WDR7: variants seen among roughly 807,000 people sequenced by gnomAD.
The protein encoded by WDR7 is WD repeat domain 7, also known as WD repeat-containing protein 7.
Under a neutral mutation model 169.4 loss-of-function variants are expected in WDR7, and 46 were observed. The observed-to-expected ratio is 0.27, with a 90% confidence interval of 0.21 to 0.35. The LOEUF is 0.35. Among genes scored for constraint, WDR7 ranks in the 10% least tolerant of loss-of-function variants. WDR7 has a pLI of 1.00. For synonymous variants in WDR7, 612 were observed against 666.8 expected (o/e 0.92, Z 1.27); for missense variants, 1,534 against 1,859.3 (o/e 0.83, Z 3.22).
chr18:56,881,403 G>A (rs72917382), intron 21 of WDR7, among the ~76,000 whole-genome samples: 3,816 of 151,760 alleles, frequency 0.025, 56 homozygotes, highest in Non-Finnish European at 0.035. Flanking sequence ...CTCTTATCTC[G>A]ATTTTATGCA....
At chr18:56,800,064 G>T (rs560230217) in intron 19 of WDR7, among the ~76,000 whole-genome samples, 60 of 152,188 alleles carry the variant, frequency 3.9e-4, no homozygotes, top group African/African-American at 1.4e-3. Flanking sequence ...GGTTAAAAAT[G>T]AAAGTTTATA....
At chr18:56,951,826 C>A (rs1456107017) in intron 25 of WDR7, among the ~76,000 whole-genome samples, 1 of 151,938 alleles carries the variant, frequency 6.6e-6, no homozygotes, top group East Asian at 1.9e-4. Context: ...ATCTTAGGAC[C>A]CCTTTAAACT....
intron 11 of WDR7, 74 bp from the exon 12 acceptor site, chr18:56,696,168 C>T (rs2025698650): frequency 2.5e-6 from 3 of 1,206,246 alleles, no homozygotes; most frequent in African/African-American, 3.1e-5. Flanking sequence ...TCTAAACATT[C>T]ATGTTTACTT....
chr18:56,734,934 T>C (rs909320773), intron 14 of WDR7, among the ~76,000 whole-genome samples: 1 of 152,164 alleles, frequency 6.6e-6, no homozygotes, highest in South Asian at 2.1e-4. Flanking sequence ...TCAAGCAATT[T>C]AGTAGGAAGT....
At chr18:56,976,382 G>T (rs750073978) in intron 26 of WDR7, among the ~76,000 whole-genome samples, 3 of 152,262 alleles carry the variant, frequency 2.0e-5, no homozygotes, top group Non-Finnish European at 2.9e-5. Context: ...TTAGGTATGG[G>T]CAGGAATTTT....
intron 20 of WDR7, among the ~76,000 whole-genome samples, chr18:56,827,142 G>T (rs576916957): frequency 1.3e-5 from 2 of 152,152 alleles, no homozygotes; most frequent in African/African-American, 2.4e-5. Context: ...GAAATAATTA[G>T]CTGTGGAGGG....
intron 1 of WDR7, among the ~76,000 whole-genome samples, chr18:56,658,854 A>G (rs745498236): frequency 1.1e-4 from 17 of 152,022 alleles, no homozygotes; most frequent in Admixed American, 2.0e-4. Flanking sequence ...CTGGGACTAC[A>G]GGCGTGCACC....
At chr18:56,681,082 T>A (rs1332000110) in intron 3 of WDR7, among the ~76,000 whole-genome samples, 1 of 152,110 alleles carries the variant, frequency 6.6e-6, no homozygotes, top group Non-Finnish European at 1.5e-5. Context: ...AATGCAGTCT[T>A]ATTATGGGCC....
intron 14 of WDR7, 112 bp downstream of exon 14, chr18:56,731,709 T>C: frequency 1.0e-6 from 1 of 983,216 alleles, no homozygotes; most frequent in Non-Finnish European, 1.4e-6. Context: ...CCTTGAAAAA[T>C]AAACTTTTGA....
chr18:56,974,205 T>C (rs533758229), intron 26 of WDR7, among the ~76,000 whole-genome samples: 140 of 152,316 alleles, frequency 9.2e-4, no homozygotes, highest in Non-Finnish European at 1.7e-3. Context: ...CATATGTTTT[T>C]TAAAAGCCCT....
chr18:56,726,822 T>C (rs994533304), intron 13 of WDR7, among the ~76,000 whole-genome samples: 1 of 152,162 alleles, frequency 6.6e-6, no homozygotes, highest in African/African-American at 2.4e-5. Context: ...GAGGTTTCCA[T>C]TCTGGCTGGT....
chr18:56,809,697 CTG>C (rs1197775829), intron 19 of WDR7, among the ~76,000 whole-genome samples: 4 of 151,832 alleles, frequency 2.6e-5, no homozygotes, highest in South Asian at 2.1e-4. Context: ...TTTCTAGTCT[CTG>C]TGTTTTGTTG....
chr18:56,820,726 A>G (rs1371219734), intron 20 of WDR7, among the ~76,000 whole-genome samples: 1 of 152,180 alleles, frequency 6.6e-6, no homozygotes, highest in Non-Finnish European at 1.5e-5. Context: ...GTTTCTGAGA[A>G]GATGTCCTGT....
intron 26 of WDR7, among the ~76,000 whole-genome samples, chr18:57,020,257 G>A (rs1404099008): frequency 1.3e-5 from 2 of 152,168 alleles, no homozygotes; most frequent in African/African-American, 4.8e-5. Context: ...AGAAAATGAA[G>A]CATAAAGCAT....
At chr18:56,724,031 A>T (rs1446311495) in intron 13 of WDR7, among the ~76,000 whole-genome samples, 1 of 151,678 alleles carries the variant, frequency 6.6e-6, no homozygotes, top group Non-Finnish European at 1.5e-5. Context: ...TGATTTTGGT[A>T]CTTTAATATC....
intron 7 of WDR7, among the ~76,000 whole-genome samples, chr18:56,690,583 G>T (rs188039184): frequency 6.6e-6 from 1 of 152,122 alleles, no homozygotes; most frequent in Non-Finnish European, 1.5e-5. Flanking sequence ...AGGAGGCCAG[G>T]GTGGGAGGAT....
intron 16 of WDR7, among the ~76,000 whole-genome samples, chr18:56,773,352 T>C (rs1307346335): frequency 2.0e-5 from 3 of 152,138 alleles, no homozygotes; most frequent in Admixed American, 2.0e-4. Flanking sequence ...AGTTTTTTTT[T>C]TTATCATTCA....
At chr18:57,009,659 AT>A (rs2048111103) in intron 26 of WDR7, among the ~76,000 whole-genome samples, 1 of 152,218 alleles carries the variant, frequency 6.6e-6, no homozygotes, top group Admixed American at 6.5e-5. Context: ...ATCCAAAGGT[AT>A]GGTAATGTTG....
chr18:56,764,940 A>G (rs887913827), intron 16 of WDR7, among the ~76,000 whole-genome samples: 5 of 152,124 alleles, frequency 3.3e-5, no homozygotes, highest in African/African-American at 1.2e-4. Context: ...TTAGGTGCAT[A>G]AACCTTTGGA....
Sources: allele counts gnomAD v4.1 joint callset (sites outside exome capture counted in the v4.1 genomes callset), GRCh38; gene constraint gnomAD v4.1.1; transcripts MANE v1.5; gene names NCBI Gene and HGNC (gene_info 2026-07-23, HGNC 2026-07-21).